The following ZNF804A variants were observed in gnomAD, a reference collection of about 807,000 sequenced individuals.
ZNF804A encodes zinc finger protein 804A.
Under a neutral mutation model 16.5 loss-of-function variants are expected in ZNF804A, and 2 were observed. The observed-to-expected ratio is 0.12, with a 90% CI of 0.05 to 0.38. ZNF804A has a LOEUF of 0.38. ZNF804A is among the 10% of genes least tolerant of loss of function. The pLI, the probability that ZNF804A is intolerant of heterozygous loss-of-function variation, is 0.99. For synonymous variants in ZNF804A, 534 were observed against 489.6 expected, an observed-to-expected ratio of 1.09 and a Z score of -1.20; for missense variants, 1,473 against 1,390.7, an observed-to-expected ratio of 1.06 and a Z score of -0.94.
At chr2:184,697,042 T>G (rs1186095757) in intron 1 of ZNF804A, among the ~76,000 whole-genome samples, 1 of 152,026 alleles carries the variant, frequency 6.6e-6, no homozygotes, top group Non-Finnish European at 1.5e-5. Flanking sequence ...TAAATGACAT[T>G]GATATAAAAT....
At position 184,686,023 on chromosome 2, in the gene ZNF804A, A is replaced by G. The variant is rs141391485; in HGVS notation, c.111+86953A>G. Reference sequence around the variant, plus strand: ...GGGCTGGCATGTCAGCACAGCTCCAAGTGCACGTACACCTGGCTGGTTTGC... The same window carrying G: ...GGGCTGGCATGTCAGCACAGCTCCAGGTGCACGTACACCTGGCTGGTTTGC... On this transcript the variant is annotated intron_variant, in intron 1 of 3. Transcript: ENST00000302277. Among the ~76,000 whole-genome samples, 1,311 of 152,344 alleles carry G rather than the reference A, an allele frequency of 8.6e-3. 22 individuals carry two copies. Among genetic ancestry groups the G allele is most frequent in the African/African-American group, 0.03 (1,254 of 41,582 alleles).
At chr2:184,614,627 T>A (rs1691291182) in intron 1 of ZNF804A, among the ~76,000 whole-genome samples, 1 of 152,130 alleles carries the variant, frequency 6.6e-6, no homozygotes, top group Non-Finnish European at 1.5e-5. Flanking sequence ...ATAACTTATG[T>A]GGTAACCCTG....
At chr2:184,639,019 T>C (rs897974785) in intron 1 of ZNF804A, among the ~76,000 whole-genome samples, 1 of 151,898 alleles carries the variant, frequency 6.6e-6, no homozygotes, top group Non-Finnish European at 1.5e-5. Flanking sequence ...CTTTGTTAGG[T>C]ATGTTCTATA....
At chr2:184,694,926 G>T (rs547609784) in intron 1 of ZNF804A, among the ~76,000 whole-genome samples, 1 of 152,106 alleles carries the variant, frequency 6.6e-6, no homozygotes, top group Admixed American at 6.5e-5. Context: ...ATGGATGTAC[G>T]AATTACACTA....
intron 1 of ZNF804A, among the ~76,000 whole-genome samples, chr2:184,710,725 C>G (rs992250576): frequency 6.6e-5 from 10 of 151,746 alleles, no homozygotes; most frequent in Non-Finnish European, 1.5e-4. Flanking sequence ...ATGAATTTGA[C>G]TGTGTTAGAT....
In ZNF804A at chr2:184,622,747, G is replaced by A. The variant is rs574496885; in HGVS notation, c.111+23677G>A. Among the ~76,000 whole-genome samples the A allele has an allele frequency of 3.9e-5, 6 of 151,978 alleles. No homozygotes were observed. In the South Asian group the frequency reaches 8.3e-4, roughly 21 times the overall value. ...ATTTGTATAAGATGTGTGTATGCAA[G>A]AGTAAATTATCTAGGAGAATAATTT... On this transcript the variant is annotated intron_variant, in intron 1 of 3. Coordinates refer to ENST00000302277, the MANE Select transcript of ZNF804A (RefSeq NM_194250.2).
chr2:184,923,886 C>T (rs1032229571), intron 2 of ZNF804A, among the ~76,000 whole-genome samples: 4 of 151,902 alleles, frequency 2.6e-5, no homozygotes, highest in Non-Finnish European at 4.4e-5. Flanking sequence ...ATCCTTGTCT[C>T]CCTGGGATAC....
At chr2:184,624,702 T>A (rs967310922) in intron 1 of ZNF804A, among the ~76,000 whole-genome samples, 1 of 152,176 alleles carries the variant, frequency 6.6e-6, no homozygotes, top group Non-Finnish European at 1.5e-5. Flanking sequence ...TATACCTTTT[T>A]CTGATTAAAC....
chr2:184,717,314 C>T (rs1259749195), intron 1 of ZNF804A, among the ~76,000 whole-genome samples: 1 of 152,118 alleles, frequency 6.6e-6, no homozygotes, highest in Non-Finnish European at 1.5e-5. Flanking sequence ...ATTATGTACT[C>T]TTACCTTTCT....
Position 184,937,678 on chromosome 2 carries a change from T to A in ZNF804A, c.2282T>A (p.Val761Asp). The change falls in exon 4 of 4, where the codon GTC (valine) becomes GAC (aspartate). Residue 761 changes from valine (V) to aspartate (D), a missense_variant. Coordinates refer to ENST00000302277, the MANE Select transcript of ZNF804A (RefSeq NM_194250.2). ...NQAVKRGYNS[V>D]MNESERFYRK... ...GCTGTTAAAAGAGGTTACAATTCTG[T>A]CATGAATGAATCAGAAAGATTCTAT... 6.2e-7 allele frequency: 1 copy of A among 1,614,072 alleles called. No individual in the cohort carries two copies. The highest frequency in any genetic ancestry group is 8.5e-7 in the Non-Finnish European group (1 of 1,179,988).
chr2:184,938,654 G>A lies in ZNF804A; in HGVS notation c.3258G>A (p.Leu1086=), dbSNP rs761392447. Residue 1086 remains leucine (L), a synonymous_variant, in exon 4 of 4, where the codon TTG becomes TTA. Coordinates refer to ENST00000302277, the MANE Select transcript of ZNF804A (RefSeq NM_194250.2). ...GCACACCTCTGCAGCCTTTGCCTTT[G>A]CAGCAGTCCTTATGTTCTACCTCTG... The part of the protein sequence containing the change: ...PPSTPLQPLP[L]QQSLCSTSVT... 1 of 1,613,748 alleles carries A rather than the reference G, an allele frequency of 6.2e-7. No individual in the cohort carries two copies. Among genetic ancestry groups the A allele is most frequent in the African/African-American group, 1.3e-5 (1 of 74,836 alleles).
At chr2:184,623,997 C>A (rs371283774) in intron 1 of ZNF804A, among the ~76,000 whole-genome samples, 2 of 152,040 alleles carry the variant, frequency 1.3e-5, no homozygotes, top group Non-Finnish European at 2.9e-5. Flanking sequence ...AACAATTAGT[C>A]AGGGGGACTA....
At chr2:184,604,208 T>C (rs1341567825) in intron 1 of ZNF804A, among the ~76,000 whole-genome samples, 5 of 131,578 alleles carry the variant, frequency 3.8e-5, no homozygotes, top group Non-Finnish European at 7.8e-5. Context: ...CTGGCTCTTT[T>C]TGCCCAGGCT....
chr2:184,803,668 T>A (rs1229769795), intron 1 of ZNF804A, among the ~76,000 whole-genome samples: 1 of 152,182 alleles, frequency 6.6e-6, no homozygotes, highest in Non-Finnish European at 1.5e-5. Flanking sequence ...AATACTAAAA[T>A]CTTGAGTGTT....
chr2:184,771,838 T>C (rs1694220174), intron 1 of ZNF804A, among the ~76,000 whole-genome samples: 1 of 151,996 alleles, frequency 6.6e-6, no homozygotes, highest in Admixed American at 6.6e-5. Context: ...AAGAGTCTTT[T>C]ATAAAACAAT....
intron 1 of ZNF804A, among the ~76,000 whole-genome samples, chr2:184,742,781 T>C (rs956704400): frequency 1.3e-5 from 2 of 151,686 alleles, no homozygotes; most frequent in Non-Finnish European, 2.9e-5. Flanking sequence ...TTTATGTGTG[T>C]GTATGTATAT....
intron 2 of ZNF804A, among the ~76,000 whole-genome samples, chr2:184,910,466 T>G (rs1043065595): frequency 1.3e-5 from 2 of 152,038 alleles, no homozygotes; most frequent in South Asian, 2.1e-4. Context: ...CGTAGAGGGA[T>G]TTATATTCCT....
chr2:184,757,908 T>G (rs1191104523), intron 1 of ZNF804A, among the ~76,000 whole-genome samples: 2 of 152,040 alleles, frequency 1.3e-5, no homozygotes, highest in Admixed American at 1.3e-4. Context: ...GGAGTTTCAC[T>G]AATTTTCTTG....
intron 2 of ZNF804A, among the ~76,000 whole-genome samples, chr2:184,929,257 G>A (rs1389306281): frequency 6.6e-6 from 1 of 152,162 alleles, no homozygotes; most frequent in East Asian, 1.9e-4. Flanking sequence ...AATATTCAAT[G>A]ATTATGTCAA....
Sources: gnomAD v4.1 joint callset for allele counts (sites outside exome capture counted in the v4.1 genomes callset) on GRCh38, gnomAD v4.1.1 for gene constraint, MANE v1.5 for transcripts, NCBI Gene and HGNC (gene_info 2026-07-23, HGNC 2026-07-21) for gene names.